TACC1: variants seen among roughly 807,000 people sequenced by gnomAD.
TACC1 encodes the protein transforming acidic coiled-coil containing protein 1, also known as transforming acidic coiled-coil-containing protein 1.
TACC1 carries 48 observed loss-of-function variants against 84.4 expected under a neutral mutation model. That is an observed-to-expected ratio of 0.57 (90% CI 0.45 to 0.72). The LOEUF is 0.72. Ranked by LOEUF, TACC1 falls within the 30% of genes least tolerant of loss-of-function variation. TACC1 has a pLI of 0.00. For missense variants in TACC1, 920 were observed against 973.0 expected (o/e 0.95, Z 0.72); for synonymous variants, 372 against 376.3 (o/e 0.99, Z 0.13).
chr8:38,811,450 C>T (rs1824115135), intron 2 of TACC1, among the ~76,000 whole-genome samples: 1 of 152,228 alleles, frequency 6.6e-6, no homozygotes, highest in Non-Finnish European at 1.5e-5. Flanking sequence ...TGTGGGAAGT[C>T]AGGGACCCTG....
At chr8:38,768,489 GGCTTCCGGCTGGTGAA>G (rs1812714994) in intron 3 of TACC1, among the ~76,000 whole-genome samples, 1 of 152,148 alleles carries the variant, frequency 6.6e-6, no homozygotes, top group South Asian at 2.1e-4. Flanking sequence ...TGGCTACTGC[GGCTTCCGGCTGGTGAA>G]GCTGCACAGC....
At chr8:38,792,309 G>C (rs1818855319) in intron 2 of TACC1, among the ~76,000 whole-genome samples, 1 of 152,146 alleles carries the variant, frequency 6.6e-6, no homozygotes, top group Non-Finnish European at 1.5e-5. Flanking sequence ...CCTCTGTTTT[G>C]TTTTGCTTTG....
At chr8:38,812,903 T>C (rs1824558964) in intron 2 of TACC1, among the ~76,000 whole-genome samples, 2 of 152,222 alleles carry the variant, frequency 1.3e-5, no homozygotes, top group South Asian at 4.1e-4. Context: ...TACATAAAAA[T>C]ACTTAGGTAT....
chr8:38,742,314 A>T, intron 1 of TACC1: 3 of 915,838 alleles, frequency 3.3e-6, no homozygotes, highest in Non-Finnish European at 4.6e-6. Context: ...CCTTATGATT[A>T]AGCATGTGAC....
chr8:38,746,760 AG>A lies in TACC1; in HGVS notation c.26+1268del, dbSNP rs553454817. Among the ~76,000 whole-genome samples, 53 of 152,322 alleles carry A rather than the reference AG, an allele frequency of 3.5e-4. No homozygotes were observed. The South Asian group carries it at 0.011, about 30-fold the overall frequency. On this transcript the variant is annotated intron_variant, in intron 3 of 14. Transcript: ENST00000518415. ...TATCAACTGTAAATGGGCCATGAAA[AG>A]TTAAGGTTGAATTTTGTAATTTATA...
chr8:38,823,139 G>T (rs985462486), intron 3 of TACC1, among the ~76,000 whole-genome samples: 1 of 152,144 alleles, frequency 6.6e-6, no homozygotes, highest in African/African-American at 2.4e-5. Flanking sequence ...GACGCCCAGA[G>T]GTTTAAAGAG....
intron 3 of TACC1, among the ~76,000 whole-genome samples, chr8:38,765,836 G>GA (rs1273941803): frequency 2.6e-5 from 4 of 151,280 alleles, no homozygotes; most frequent in Non-Finnish European, 4.4e-5. Context: ...GTGTGGAGCT[G>GA]AAAAAAAATA....
Position 38,807,835 on chromosome 8 carries a change from G to T in TACC1, c.278-11687G>T, listed in dbSNP as rs1587859847. Among the ~76,000 whole-genome samples, 3 of 152,122 alleles carry T rather than the reference G, an allele frequency of 2.0e-5. 1 individual carries two copies. The highest frequency in any genetic ancestry group is 4.1e-4 in the South Asian group (2 of 4,828). ...TGTTTCCCTCAATCCTTAAAATTTT[G>T]CATTCCATACCTTTTCTTTTAAAAA... On this transcript the variant is annotated intron_variant, in intron 2 of 12. Transcript: ENST00000317827.
chr8:38,736,068 G>A (rs910302388), intron 1 of TACC1, among the ~76,000 whole-genome samples: 1 of 152,128 alleles, frequency 6.6e-6, no homozygotes, highest in Non-Finnish European at 1.5e-5. Flanking sequence ...GCCTCCTTTG[G>A]TGTCTGGTGG....
chr8:38,811,074 C>T (rs372327665), intron 2 of TACC1, among the ~76,000 whole-genome samples: 3 of 151,898 alleles, frequency 2.0e-5, no homozygotes, highest in East Asian at 1.9e-4. Context: ...GCCGGGATCA[C>T]GCTACAGTAT....
chr8:38,816,827 T>C (rs35251039), intron 2 of TACC1, among the ~76,000 whole-genome samples: 1 of 152,142 alleles, frequency 6.6e-6, no homozygotes, highest in African/African-American at 2.4e-5. Context: ...CATGTAGGTG[T>C]GATTGATTAA....
exon 1 of TACC1, chr8:38,728,656 G>A (rs1804295953): frequency 6.6e-6 from 1 of 152,360 alleles, no homozygotes; most frequent in Non-Finnish European, 1.5e-5. Flanking sequence ...CGACTCTGGG[G>A]ACCCTCGCCG....
rs1430207505 is a variant in TACC1, at chr8:38,852,631, A to T, written c.*4608A>T. ...CAGAGCCTCAGCCTCGGTCCTTCTC[A>T]GCCGTCGGGATAGGATCCAGGCATT... is the stretch of plus-strand genomic sequence containing the variant. On this transcript the variant is annotated 3_prime_UTR_variant, in exon 13 of 13. Transcript: ENST00000317827. The T allele has an allele frequency of 6.5e-6, 1 of 152,688 alleles. No homozygotes were observed. The highest frequency in any genetic ancestry group is 1.9e-4 in the East Asian group (1 of 5,208). 9.5% of individuals were successfully genotyped at this position (152,688 alleles called of 1,614,324 possible). A position where few individuals can be genotyped will look rare whatever the true frequency, so the allele number is the denominator to read the frequency against.
At chr8:38,807,898 CTT>C (rs1823138898) in intron 2 of TACC1, among the ~76,000 whole-genome samples, 1 of 152,180 alleles carries the variant, frequency 6.6e-6, no homozygotes, top group Non-Finnish European at 1.5e-5. Flanking sequence ...TGCAAATAGT[CTT>C]TATCCTGAAT....
chr8:38,760,771 C>A (rs1191598334), intron 3 of TACC1, among the ~76,000 whole-genome samples: 2 of 152,186 alleles, frequency 1.3e-5, no homozygotes, highest in Non-Finnish European at 2.9e-5. Context: ...ATCCACCCAC[C>A]TCACCCTCCC....
At chr8:38,834,750 G>A (rs62506678) in intron 6 of TACC1, among the ~76,000 whole-genome samples, 28,721 of 152,096 alleles carry the variant, frequency 0.19, 3,395 homozygotes, top group Non-Finnish European at 0.27. Context: ...TAGAGAGAGG[G>A]TAAAACTATA....
chr8:38,817,758 A>AT, intron 2 of TACC1, among the ~76,000 whole-genome samples: 1 of 151,946 alleles, frequency 6.6e-6, no homozygotes, highest in East Asian at 1.9e-4. Flanking sequence ...ATCATAGAAG[A>AT]TTCATGAGAA....
chr8:38,738,237 C>A (rs563435897), intron 1 of TACC1, among the ~76,000 whole-genome samples: 4 of 151,852 alleles, frequency 2.6e-5, no homozygotes, highest in Admixed American at 6.6e-5. Flanking sequence ...ACCCCCATCT[C>A]TCCAAAACAT....
chr8:38,798,825 A>G (rs1820644878), intron 2 of TACC1, among the ~76,000 whole-genome samples: 1 of 152,128 alleles, frequency 6.6e-6, no homozygotes, highest in South Asian at 2.1e-4. Context: ...CTTAGATTGT[A>G]TCCCGCATTC....
Sources: allele counts gnomAD v4.1 joint callset (sites outside exome capture counted in the v4.1 genomes callset), GRCh38; gene constraint gnomAD v4.1.1; transcripts MANE v1.5; gene names NCBI Gene and HGNC (gene_info 2026-07-23, HGNC 2026-07-21).